SLC35F2: variants seen among roughly 807,000 people sequenced by gnomAD.
The protein encoded by SLC35F2 is solute carrier family 35 member F2.
SLC35F2 carries 25 observed loss-of-function variants against 38.1 expected under a neutral mutation model. The observed-to-expected ratio is 0.66, with a 90% CI of 0.48 to 0.92. The LOEUF is 0.92. Among genes scored for constraint, SLC35F2 ranks in the 40% least tolerant of loss-of-function variants. SLC35F2 has a pLI of 0.00. For synonymous variants in SLC35F2, 173 were observed against 181.7 expected, an observed-to-expected ratio of 0.95 and a Z score of 0.38; for missense variants, 409 against 452.9, an observed-to-expected ratio of 0.90 and a Z score of 0.88.
Position 107,815,851 on chromosome 11 carries a change from C to T in SLC35F2, c.225G>A (p.Gln75=), listed in dbSNP as rs1448493120. The T allele has an allele frequency of 6.2e-7, 1 of 1,613,922 alleles. No homozygotes were observed. The change falls in exon 2 of 8, where the codon CAG becomes CAA. Residue 75 remains glutamine, a synonymous_variant. Transcript: ENST00000525815. The part of the protein sequence containing the change: ...ERYKVNTPML[Q]SFINYCLLFL... ...ACAGCAAGCAATAATTGATAAAGCT[C>T]TGAAGCATGGGGGTGTTCACTTTGT...
chr11:107,794,238 G>A (rs1044409195), intron 7 of SLC35F2, among the ~76,000 whole-genome samples: 1 of 151,998 alleles, frequency 6.6e-6, no homozygotes, highest in African/African-American at 2.4e-5. Context: ...GCACCACCAT[G>A]CCTGGCTAAT....
At chr11:107,809,576 G>A (rs1176039966) in intron 3 of SLC35F2, 10 of 564,834 alleles carry the variant, frequency 1.8e-5, no homozygotes, top group South Asian at 7.8e-5. Flanking sequence ...AGGCTGCAGT[G>A]AGCCAAGATC....
At chr11:107,815,451 G>A (rs1479977723) in intron 2 of SLC35F2, among the ~76,000 whole-genome samples, 3 of 151,244 alleles carry the variant, frequency 2.0e-5, no homozygotes, top group East Asian at 3.9e-4. Flanking sequence ...CAGCTTACTA[G>A]GGAGGCTGAG....
At chr11:107,856,509 ACATGGGGAAACCC>A (rs1037527533) in intron 1 of SLC35F2, among the ~76,000 whole-genome samples, 2 of 152,234 alleles carry the variant, frequency 1.3e-5, no homozygotes, top group Admixed American at 6.5e-5. Context: ...AGCCTGGTCA[ACATGGGGAAACCC>A]CATCTCTACT....
intron 1 of SLC35F2, among the ~76,000 whole-genome samples, chr11:107,827,575 C>A (rs1464651990): frequency 1.3e-5 from 2 of 152,020 alleles, no homozygotes; most frequent in Non-Finnish European, 2.9e-5. Flanking sequence ...ATGGCGAAAC[C>A]CCATCTCTAC....
chr11:107,813,418 C>T (rs901119265), intron 2 of SLC35F2, among the ~76,000 whole-genome samples: 1 of 152,090 alleles, frequency 6.6e-6, no homozygotes. Context: ...GACCTGAAAT[C>T]GTGCCACTGC....
intron 1 of SLC35F2, among the ~76,000 whole-genome samples, chr11:107,839,281 T>C (rs1859981023): frequency 6.6e-6 from 1 of 152,090 alleles, no homozygotes; most frequent in Non-Finnish European, 1.5e-5. Flanking sequence ...GCCAACATGG[T>C]GAAACCCCGT....
intron 2 of SLC35F2, among the ~76,000 whole-genome samples, chr11:107,812,647 C>G (rs1165479017): frequency 6.6e-6 from 1 of 152,172 alleles, no homozygotes; most frequent in African/African-American, 2.4e-5. Flanking sequence ...ATGTAACAAA[C>G]CTGCACATTC....
intron 7 of SLC35F2, among the ~76,000 whole-genome samples, chr11:107,799,722 G>T (rs138285693): frequency 2.6e-5 from 4 of 151,698 alleles, no homozygotes; most frequent in African/African-American, 9.7e-5. Flanking sequence ...ACAGATGCAC[G>T]CCACCACTCC....
intron 1 of SLC35F2, among the ~76,000 whole-genome samples, chr11:107,839,256 T>A: frequency 6.6e-6 from 1 of 151,430 alleles, no homozygotes; most frequent in East Asian, 1.9e-4. Context: ...AGGTCAGGAG[T>A]TCAAGACCAG....
intron 1 of SLC35F2, among the ~76,000 whole-genome samples, chr11:107,835,132 TCA>T (rs901986950): frequency 1.3e-5 from 2 of 152,158 alleles, no homozygotes; most frequent in African/African-American, 4.8e-5. Flanking sequence ...ACACGCACAC[TCA>T]CATGCAAAAA....
chr11:107,819,629 G>A (rs1859639298), intron 1 of SLC35F2, among the ~76,000 whole-genome samples: 1 of 152,214 alleles, frequency 6.6e-6, no homozygotes, highest in Non-Finnish European at 1.5e-5. Context: ...AGTGCACCAG[G>A]AGTCTCCAGG....
rs1398333467 is a variant in SLC35F2, at chr11:107,842,074, AG to A, written c.110+16583del. 2.0e-3 allele frequency among the ~76,000 whole-genome samples: 295 copies of A among 151,268 alleles called. 1 individual carries two copies. Among genetic ancestry groups the A allele is most frequent in the Non-Finnish European group, 3.7e-3 (253 of 67,798 alleles). On this transcript the variant is annotated intron_variant, in intron 1 of 7. Coordinates refer to ENST00000525815, the MANE Select transcript of SLC35F2 (RefSeq NM_017515.5). ...GAACAAGACTTCGTCTCAAAAAAAA[AG>A]AAAAATAAAGAAAAATAAAAAATAA...
In SLC35F2 at chr11:107,858,771, C is replaced by T; in HGVS notation, c.-4G>A. ...CCGCTGGCGAGTCTGCCTCCATCGG[C>T]GCCCTTGCGCGTCTCCGGCGCCCAA... On this transcript the variant is annotated 5_prime_UTR_variant, in exon 1 of 8. Transcript: ENST00000525815. The T allele has an allele frequency of 8.0e-7, 1 of 1,257,622 alleles. No homozygotes were observed. The highest frequency in any genetic ancestry group is 1.0e-6 in the Non-Finnish European group (1 of 993,196). 77.9% of individuals were successfully genotyped at this position (1,257,622 alleles called of 1,614,324 possible). A position where few individuals can be genotyped will look rare whatever the true frequency, so the allele number is the denominator to read the frequency against.
chr11:107,813,362 T>C (rs771964952), intron 2 of SLC35F2, among the ~76,000 whole-genome samples: 1 of 152,090 alleles, frequency 6.6e-6, no homozygotes, highest in Non-Finnish European at 1.5e-5. Flanking sequence ...AGAAAATCGC[T>C]TGAACCCAGG....
intron 1 of SLC35F2, among the ~76,000 whole-genome samples, chr11:107,851,621 G>A (rs573905337): frequency 1.2e-4 from 18 of 151,402 alleles, no homozygotes; most frequent in African/African-American, 4.4e-4. Context: ...AATGCCTATT[G>A]GAATTAAGGA....
chr11:107,838,993 G>GT (rs1454579770), intron 1 of SLC35F2, among the ~76,000 whole-genome samples: 1 of 152,140 alleles, frequency 6.6e-6, no homozygotes, highest in Non-Finnish European at 1.5e-5. Flanking sequence ...CCATTATACT[G>GT]TTGAAAAATA....
chr11:107,856,433 G>A (rs1269895468), intron 1 of SLC35F2, among the ~76,000 whole-genome samples: 5 of 152,174 alleles, frequency 3.3e-5, no homozygotes, highest in South Asian at 2.1e-4. Context: ...GGTGGCTCAC[G>A]CCTGTAATCC....
Position 107,830,450 on chromosome 11 carries a change from G to A in SLC35F2, c.111-14485C>T, listed in dbSNP as rs370410547. 2.1e-4 allele frequency among the ~76,000 whole-genome samples: 32 copies of A among 152,060 alleles called. 1 individual carries two copies. In the East Asian group the frequency reaches 5.8e-3, roughly 28 times the overall value. ...AACACAAAAATTAGCTGGGCATGGT[G>A]GTGGATGCCTGTAGTCCCAGCTACT... On this transcript the variant is annotated intron_variant, in intron 1 of 7. Coordinates refer to ENST00000525815, the MANE Select transcript of SLC35F2 (RefSeq NM_017515.5).
Sources: gnomAD v4.1 joint callset for allele counts (sites outside exome capture counted in the v4.1 genomes callset) on GRCh38, gnomAD v4.1.1 for gene constraint, MANE v1.5 for transcripts, NCBI Gene and HGNC (gene_info 2026-07-23, HGNC 2026-07-21) for gene names.